The following NLRP4 variants were observed in gnomAD, a reference collection of about 807,000 sequenced individuals.
NLRP4 encodes NLR family pyrin domain containing 4, also known as NACHT, LRR and PYD domains-containing protein 4.
A neutral mutation model predicts 84.7 loss-of-function variants in NLRP4; 44 were observed. That is an observed-to-expected ratio of 0.52 (90% confidence interval 0.41 to 0.67). The LOEUF (loss-of-function observed/expected upper bound fraction) is 0.67, where lower values mean the gene tolerates loss of function less well. Ranked by LOEUF, NLRP4 falls within the 30% of genes least tolerant of loss-of-function variation. The pLI, the probability that NLRP4 is intolerant of heterozygous loss-of-function variation, is 0.00. For missense variants in NLRP4, 1,260 were observed against 1,219.4 expected (o/e 1.03, Z -0.50); for synonymous variants, 544 against 476.4 (o/e 1.14, Z -1.85).
At chr19:55,869,672 G>A (rs141977522) in intron 6 of NLRP4, among the ~76,000 whole-genome samples, 15 of 152,192 alleles carry the variant, frequency 9.9e-5, no homozygotes, top group African/African-American at 3.4e-4. Context: ...AAAAATGCCA[G>A]GAAATCTAAA....
intron 1 of NLRP4, 115 bp from the exon 2 acceptor site, chr19:55,851,901 A>G: frequency 1.8e-6 from 1 of 562,034 alleles, no homozygotes; most frequent in Non-Finnish European, 3.1e-6. Context: ...GATGAATGTA[A>G]TTAAATAACT....
rs56042909 is a variant in NLRP4, at chr19:55,839,479, TAAAAAA to T, written c.-66+2556_-66+2561del. Among the ~76,000 whole-genome samples, 3 of 135,522 alleles carry T rather than the reference TAAAAAA, an allele frequency of 2.2e-5. No homozygotes were observed. The East Asian group carries it at 6.5e-4, about 29-fold the overall frequency. 88.9% of individuals were successfully genotyped at this position (135,522 alleles called of 152,430 possible). A position where few individuals can be genotyped will look rare whatever the true frequency, so the allele number is the denominator to read the frequency against. ...CTGAAGTCTTCTGTGGGGGAAGAGT[TAAAAAA>T]AAAAAAAAAAGCTTTCAAAACTTCA... On this transcript the variant is annotated intron_variant, in intron 1 of 9. Transcript: ENST00000301295.
At chr19:55,854,940 T>C (rs1600227542) in intron 2 of NLRP4, among the ~76,000 whole-genome samples, 1 of 152,184 alleles carries the variant, frequency 6.6e-6, no homozygotes, top group Non-Finnish European at 1.5e-5. Context: ...GCCAGGCTGG[T>C]GTTGAACTGC....
chr19:55,853,617 C>T (rs1984257052), intron 2 of NLRP4, among the ~76,000 whole-genome samples: 1 of 152,164 alleles, frequency 6.6e-6, no homozygotes, highest in Non-Finnish European at 1.5e-5. Context: ...ACTATATTGC[C>T]CAGGCTGGTC....
intron 2 of NLRP4, among the ~76,000 whole-genome samples, chr19:55,853,807 TTCTC>T (rs972741512): frequency 2.0e-4 from 30 of 147,706 alleles, no homozygotes; most frequent in Admixed American, 1.7e-3. Context: ...CTCTCTCTCT[TTCTC>T]TTTCTTTCTT....
At position 55,877,848 on chromosome 19, in the gene NLRP4, G is replaced by A. The variant is rs549458857; in HGVS notation, c.2696+682G>A. ...CCAGTGTCCTCATTTTAGCTTAATT[G>A]CCTCTATAAAGACCTTGTATCCAAA... On this transcript the variant is annotated intron_variant, in intron 8 of 9. Coordinates refer to ENST00000301295, the MANE Select transcript of NLRP4 (RefSeq NM_134444.5). 3.9e-5 allele frequency among the ~76,000 whole-genome samples: 6 copies of A among 152,226 alleles called. No homozygotes were observed. The East Asian group carries it at 1.2e-3, about 29-fold the overall frequency.
intron 6 of NLRP4, among the ~76,000 whole-genome samples, chr19:55,868,378 A>G (rs1437722846): frequency 6.6e-6 from 1 of 152,250 alleles, no homozygotes; most frequent in Non-Finnish European, 1.5e-5. Context: ...TACGTAAAAC[A>G]CAGAAGGAAG....
chr19:55,860,255 G>C (rs1984696748), intron 3 of NLRP4, among the ~76,000 whole-genome samples: 1 of 152,086 alleles, frequency 6.6e-6, no homozygotes, highest in African/African-American at 2.4e-5. Context: ...AAAGTGCTGG[G>C]ATTACAGGCG....
intron 3 of NLRP4, among the ~76,000 whole-genome samples, chr19:55,859,940 A>AAAAAAAAAAAAAAAAAAAAAC (rs1984666483): frequency 7.1e-6 from 1 of 140,164 alleles, no homozygotes; most frequent in African/African-American, 2.9e-5. Flanking sequence ...AAAAAAAAAA[A>AAAAAAAAAAAAAAAAAAAAAC]AAAAAAAAAA....
chr19:55,846,952 T>C (rs1983821070), intron 1 of NLRP4, among the ~76,000 whole-genome samples: 1 of 152,126 alleles, frequency 6.6e-6, no homozygotes, highest in South Asian at 2.1e-4. Flanking sequence ...TTTGAGACAG[T>C]CTTGTTCTGT....
At chr19:55,857,266 A>G (rs985733232) in intron 2 of NLRP4, among the ~76,000 whole-genome samples, 4 of 150,826 alleles carry the variant, frequency 2.7e-5, no homozygotes, top group Non-Finnish European at 5.9e-5. Flanking sequence ...ATGAATGTAT[A>G]TGTGTGTGTG....
At chr19:55,875,997 G>A (rs1244713060) in intron 7 of NLRP4, among the ~76,000 whole-genome samples, 10 of 152,228 alleles carry the variant, frequency 6.6e-5, no homozygotes, top group South Asian at 4.1e-4. Context: ...AGATTGTGCC[G>A]TTGCATTCCA....
chr19:55,851,879 A>G (rs1984174994), intron 1 of NLRP4, 137 bp from the exon 2 acceptor site: 2 of 535,068 alleles, frequency 3.7e-6, no homozygotes, highest in Non-Finnish European at 6.5e-6. Context: ...GACCATTTGA[A>G]TGAGAAGGTG....
At chr19:55,849,901 TGTAATTTCCGTAGCC>T in intron 1 of NLRP4, among the ~76,000 whole-genome samples, 1 of 130,376 alleles carries the variant, frequency 7.7e-6, no homozygotes, top group African/African-American at 3.2e-5. Context: ...TGGCCGGCGG[TGTAATTTCCGTAGCC>T]GCGGTGTAAT....
At chr19:55,874,246 C>T (rs1985288759) in intron 7 of NLRP4, among the ~76,000 whole-genome samples, 2 of 151,882 alleles carry the variant, frequency 1.3e-5, no homozygotes, top group South Asian at 4.1e-4. Context: ...GTTTATTTAG[C>T]CATATATCAA....
intron 1 of NLRP4, among the ~76,000 whole-genome samples, chr19:55,840,732 GC>G: frequency 6.6e-6 from 1 of 152,180 alleles, no homozygotes; most frequent in East Asian, 1.9e-4. Flanking sequence ...TGTTATTGTT[GC>G]ATGTATGATT....
chr19:55,855,125 A>C (rs1984360908), intron 2 of NLRP4, among the ~76,000 whole-genome samples: 1 of 152,120 alleles, frequency 6.6e-6, no homozygotes. Flanking sequence ...CAGGAGGATC[A>C]CTTCAGCCCA....
chr19:55,860,141 A>T (rs1370351257), intron 3 of NLRP4, among the ~76,000 whole-genome samples: 2 of 151,680 alleles, frequency 1.3e-5, no homozygotes, highest in Non-Finnish European at 2.9e-5. Flanking sequence ...GCCCGCCACC[A>T]CACCCAGCTA....
At chr19:55,842,591 G>C (rs1983653292) in intron 1 of NLRP4, among the ~76,000 whole-genome samples, 1 of 151,620 alleles carries the variant, frequency 6.6e-6, no homozygotes, top group Non-Finnish European at 1.5e-5. Context: ...TGTCTCACAA[G>C]ACTGACTCTA....
Sources: gnomAD v4.1 joint callset for allele counts (sites outside exome capture counted in the v4.1 genomes callset) on GRCh38, gnomAD v4.1.1 for gene constraint, MANE v1.5 for transcripts, NCBI Gene and HGNC (gene_info 2026-07-23, HGNC 2026-07-21) for gene names.